The following LHCGR variants were observed in gnomAD, a reference collection of about 807,000 sequenced individuals.
LHCGR encodes luteinizing hormone/choriogonadotropin receptor.
A neutral mutation model predicts 60.7 loss-of-function variants in LHCGR; 55 were observed. That is an observed-to-expected ratio of 0.91 (90% CI 0.73 to 1.13). The LOEUF (loss-of-function observed/expected upper bound fraction) is 1.13. Among genes scored for constraint, LHCGR ranks in the 50% most tolerant of loss-of-function variants. LHCGR has a pLI of 0.00. For synonymous variants in LHCGR, 337 were observed against 316.5 expected (o/e 1.06, Z -0.69); for missense variants, 862 against 836.0 (o/e 1.03, Z -0.38).
chr2:48,746,052 A>T (rs1010368597), intron 1 of LHCGR, among the ~76,000 whole-genome samples: 1 of 152,140 alleles, frequency 6.6e-6, no homozygotes, highest in Non-Finnish European at 1.5e-5. Context: ...AGTGTGTATA[A>T]TCTAAAAAAT....
At chr2:48,712,297 A>G (rs895345345) in intron 7 of LHCGR, among the ~76,000 whole-genome samples, 1 of 152,094 alleles carries the variant, frequency 6.6e-6, no homozygotes, top group African/African-American at 2.4e-5. Flanking sequence ...AAGCTCCTGT[A>G]GGGCGACACT....
chr2:48,716,383 G>C (rs1470302833), intron 6 of LHCGR, among the ~76,000 whole-genome samples: 1 of 152,126 alleles, frequency 6.6e-6, no homozygotes, highest in South Asian at 2.1e-4. Flanking sequence ...TATATTTACT[G>C]TAATACTCCC....
chr2:48,749,563 T>C (rs1299253696), intron 1 of LHCGR, among the ~76,000 whole-genome samples: 1 of 151,966 alleles, frequency 6.6e-6, no homozygotes, highest in Non-Finnish European at 1.5e-5. Context: ...CAACATTTGG[T>C]GTAGCCACTC....
intron 6 of LHCGR, among the ~76,000 whole-genome samples, chr2:48,717,646 A>G (rs1351892285): frequency 6.6e-6 from 1 of 151,966 alleles, no homozygotes; most frequent in Non-Finnish European, 1.5e-5. Flanking sequence ...TCTGTGAAAT[A>G]CAAGCATTTT....
In LHCGR at chr2:48,710,139, A is replaced by C. The variant is rs554503497; in HGVS notation, c.606-1117T>G. ...ATCTCACTCTGGGTGGCTGTTTTCC[A>C]CATTTCTACTAAGCATTTTCTTTGG... On this transcript the variant is annotated intron_variant, in intron 7 of 10. Transcript: ENST00000294954. Among the ~76,000 whole-genome samples, 96 of 152,296 alleles carry C rather than the reference A, an allele frequency of 6.3e-4. 3 individuals carry two copies. The highest frequency in any genetic ancestry group is 3.4e-3 in the Middle Eastern group (1 of 294).
intron 6 of LHCGR, among the ~76,000 whole-genome samples, chr2:48,716,333 A>G (rs558370422): frequency 6.6e-6 from 1 of 152,302 alleles, no homozygotes; most frequent in South Asian, 2.1e-4. Context: ...TAAGAAATTC[A>G]TCTTACATAT....
intron 10 of LHCGR, among the ~76,000 whole-genome samples, chr2:48,689,326 G>A (rs1680086550): frequency 6.6e-6 from 1 of 152,092 alleles, no homozygotes; most frequent in East Asian, 1.9e-4. Context: ...ATCCTTTCTT[G>A]GCATTTTCTT....
intron 7 of LHCGR, among the ~76,000 whole-genome samples, chr2:48,712,207 C>G (rs1668026910): frequency 6.6e-6 from 1 of 152,006 alleles, no homozygotes; most frequent in South Asian, 2.1e-4. Flanking sequence ...TCTGGGGAGG[C>G]TTCATGCTTT....
In LHCGR at chr2:48,755,589, G is replaced by C. The variant is rs1352747382; in HGVS notation, c.83C>G (p.Ala28Gly). The change falls in exon 1 of 11, where the codon GCG (alanine) becomes GGG (glycine). Residue 28 changes from alanine to glycine, a missense_variant. Transcript: ENST00000294954. ...GCAGTTGCAGGGCTCAGGGCAGAGC[G>C]CCTCGCGCAGCGCTCGTGGCAGCGG... ...QPPLPRALRE[A>G]LCPEPCNCVP... is the part of the protein sequence containing the mutation. The C allele has an allele frequency of 5.9e-6, 9 of 1,538,008 alleles. No individual in the cohort carries two copies. Among genetic ancestry groups the C allele is most frequent in the Non-Finnish European group, 7.9e-6 (9 of 1,145,312 alleles).
chr2:48,746,738 C>A (rs1434230529), intron 1 of LHCGR, among the ~76,000 whole-genome samples: 1 of 152,138 alleles, frequency 6.6e-6, no homozygotes, highest in Non-Finnish European at 1.5e-5. Flanking sequence ...TACTCAAAAC[C>A]CATTTAACAT....
intron 1 of LHCGR, among the ~76,000 whole-genome samples, chr2:48,741,592 A>G (rs4356706): frequency 0.15 from 22,901 of 150,496 alleles, 1,515 homozygotes; most frequent in East Asian, 0.3. Flanking sequence ...AGCCAAACTA[A>G]GCTTCTTAAG....
intron 1 of LHCGR, among the ~76,000 whole-genome samples, chr2:48,743,221 A>T (rs1380937519): frequency 1.3e-5 from 2 of 152,122 alleles, no homozygotes; most frequent in Admixed American, 6.5e-5. Flanking sequence ...AACCAAAAAG[A>T]GTCCAGGACC....
At chr2:48,698,467 C>A in intron 9 of LHCGR, 148 bp downstream of exon 9, 1 of 681,442 alleles carries the variant, frequency 1.5e-6, no homozygotes, top group Non-Finnish European at 2.6e-6. Context: ...TTGTTTTCTT[C>A]TTGTCTATTT....
At chr2:48,718,795 G>C (rs1052882359) in intron 6 of LHCGR, among the ~76,000 whole-genome samples, 3 of 152,128 alleles carry the variant, frequency 2.0e-5, no homozygotes, top group African/African-American at 4.8e-5. Flanking sequence ...ACTGTGACCT[G>C]GTTACTACTA....
intron 1 of LHCGR, among the ~76,000 whole-genome samples, chr2:48,734,747 G>A (rs756365089): frequency 6.6e-6 from 1 of 152,180 alleles, no homozygotes; most frequent in Non-Finnish European, 1.5e-5. Context: ...CAGTTCAGCA[G>A]CTCTGCTGTC....
At chr2:48,692,679 G>A (rs1455543400) in intron 10 of LHCGR, among the ~76,000 whole-genome samples, 2 of 152,144 alleles carry the variant, frequency 1.3e-5, no homozygotes, top group Non-Finnish European at 2.9e-5. Flanking sequence ...GAAAAGATGG[G>A]AATTTTAGGA....
chr2:48,719,053 T>A (rs931453402), intron 6 of LHCGR, among the ~76,000 whole-genome samples: 2 of 152,210 alleles, frequency 1.3e-5, no homozygotes, highest in Non-Finnish European at 2.9e-5. Flanking sequence ...CCGGGCATGG[T>A]GGCTCACGCC....
intron 6 of LHCGR, among the ~76,000 whole-genome samples, chr2:48,715,981 G>T (rs1303806792): frequency 6.6e-6 from 1 of 152,080 alleles, no homozygotes; most frequent in Non-Finnish European, 1.5e-5. Context: ...CCCGGGAAGG[G>T]GAGGCTTCCA....
chr2:48,688,640 G>C lies in LHCGR; in HGVS notation c.1157C>G (p.Thr386Arg), dbSNP rs745516574. Residue 386 changes from threonine (T) to arginine (R), a missense_variant, in exon 11 of 11, where the codon ACA becomes AGA. Coordinates refer to ENST00000294954, the MANE Select transcript of LHCGR (RefSeq NM_000233.4). This position sits in a 1 kb window ranked among gnomAD's most constrained non-coding sequence, Gnocchi z 5.2. ...AGGCACTGTAAGTTTGTAACGACTT[G>C]TCAGGAGAACAAAAAGAACAGTCAT... ...GNMTVLFVLL[T>R]SRYKLTVPRF... 1.2e-6 allele frequency: 2 copies of C among 1,614,172 alleles called. No individual in the cohort carries two copies. Among genetic ancestry groups the C allele is most frequent in the Non-Finnish European group, 1.7e-6 (2 of 1,180,020 alleles).
Sources: gnomAD v4.1 joint callset for allele counts (sites outside exome capture counted in the v4.1 genomes callset) on GRCh38, gnomAD v4.1.1 for gene constraint, Gnocchi (gnomAD v3.1) non-coding constraint, MANE v1.5 for transcripts, NCBI Gene and HGNC (gene_info 2026-07-23, HGNC 2026-07-21) for gene names.